C14orf132: variants seen among roughly 807,000 people sequenced by gnomAD.
C14orf132 encodes chromosome 14 open reading frame 132, also known as uncharacterized protein C14orf132.
Under a neutral mutation model 5.8 loss-of-function variants are expected in C14orf132, and 6 were observed. The observed-to-expected ratio is 1.03, with a 90% CI of 0.57 to 2.04. The LOEUF is 2.04. Ranked by LOEUF, C14orf132 falls within the 30% of genes most tolerant of loss-of-function variation. The pLI, the probability that C14orf132 is intolerant of heterozygous loss-of-function variation, is 0.00. For missense variants in C14orf132, 125 were observed against 115.8 expected (o/e 1.08, Z -0.37); for synonymous variants, 51 against 49.8 (o/e 1.02, Z -0.10).
At chr14:96,043,619 A>T (rs900528173) in intron 1 of C14orf132, among the ~76,000 whole-genome samples, 1 of 152,124 alleles carries the variant, frequency 6.6e-6, no homozygotes, top group African/African-American at 2.4e-5. Context: ...GGTGGGAGCC[A>T]GGCACCAGCA....
chr14:96,080,984 G>A (rs535263480), intron 1 of C14orf132, among the ~76,000 whole-genome samples: 15 of 152,198 alleles, frequency 9.9e-5, no homozygotes, highest in Admixed American at 3.9e-4. Flanking sequence ...ACAGACACTC[G>A]TATACCCACT....
At chr14:96,063,952 G>T (rs946864783) in intron 1 of C14orf132, among the ~76,000 whole-genome samples, 3 of 152,044 alleles carry the variant, frequency 2.0e-5, no homozygotes, top group Non-Finnish European at 4.4e-5. Flanking sequence ...TATGCAAATG[G>T]CCAACAAACA....
rs917794206 is a variant in C14orf132 at position 96,092,500 on chromosome 14, A to G, written c.*5765A>G. On this transcript the variant is annotated 3_prime_UTR_variant, in exon 2 of 2. Transcript: ENST00000555004. ...CCGAGCCCCATCCACGTGGCTGAGC[A>G]ACACCCCTGTGTCCCCTGTATCTGT... 1 of 152,112 alleles carries G rather than the reference A, an allele frequency of 6.6e-6. No homozygotes were observed. Among genetic ancestry groups the G allele is most frequent in the Non-Finnish European group, 1.5e-5 (1 of 68,020 alleles). The allele number at this position is 152,112 out of a possible 1,614,324, so 9.4% of individuals were successfully genotyped here.
In C14orf132 at chr14:96,039,638, CGTCCCGGTCCTTT is replaced by C; in HGVS notation, c.27+118_27+130del. ...GGCAGTGGCGCCCGCCCGCGATCCG[CGTCCCGGTCCTTT>C]GTCCCGAGCCGGACACCCCCACTTG... On this transcript the variant is annotated intron_variant, in intron 1 of 1. Transcript: ENST00000555004. The surrounding 1 kb of genome is among the most constrained non-coding windows in gnomAD (Gnocchi z 5.3). 8.7e-7 allele frequency: 1 copy of C among 1,145,206 alleles called. No homozygotes were observed. The highest frequency in any genetic ancestry group is 1.2e-6 in the Non-Finnish European group (1 of 863,628). 70.9% of individuals were successfully genotyped at this position (1,145,206 alleles called of 1,614,324 possible). A position where few individuals can be genotyped will look rare whatever the true frequency, so the allele number is the denominator to read the frequency against.
At chr14:96,083,978 ACCTGATGGCCTGGTTGGCGGGAG>A (rs2139682618) in intron 1 of C14orf132, among the ~76,000 whole-genome samples, 1 of 152,308 alleles carries the variant, frequency 6.6e-6, no homozygotes, top group South Asian at 2.1e-4. Context: ...CTCAAGGGCC[ACCTGATGGCCTGGTTGGCGGGAG>A]CCCTACAAAA....
chr14:96,084,293 TG>T (rs1180227479), intron 1 of C14orf132, among the ~76,000 whole-genome samples: 1 of 152,002 alleles, frequency 6.6e-6, no homozygotes, highest in Non-Finnish European at 1.5e-5. Context: ...CGGGGGGATG[TG>T]GGGGCAGAAC....
At chr14:96,063,378 G>T (rs1333920906) in intron 1 of C14orf132, among the ~76,000 whole-genome samples, 1 of 152,078 alleles carries the variant, frequency 6.6e-6, no homozygotes, top group Non-Finnish European at 1.5e-5. Context: ...GTACAATCTT[G>T]GCTCACTGTA....
At chr14:96,049,294 T>C (rs1886926828) in intron 1 of C14orf132, among the ~76,000 whole-genome samples, 1 of 152,002 alleles carries the variant, frequency 6.6e-6, no homozygotes, top group Non-Finnish European at 1.5e-5. Flanking sequence ...AAATCCAATC[T>C]AACAATCTCT....
chr14:96,042,858 G>C (rs1886730867), intron 1 of C14orf132, among the ~76,000 whole-genome samples: 1 of 152,184 alleles, frequency 6.6e-6, no homozygotes, highest in Non-Finnish European at 1.5e-5. Context: ...TGAGTCTCTG[G>C]TGACTCTGGA....
intron 1 of C14orf132, among the ~76,000 whole-genome samples, chr14:96,071,534 T>C (rs750415978): frequency 5.9e-5 from 9 of 152,248 alleles, no homozygotes; most frequent in Admixed American, 1.3e-4. Flanking sequence ...AGTGTTCTGA[T>C]TGCCATCATT....
chr14:96,056,428 C>G (rs1380583058), intron 1 of C14orf132, among the ~76,000 whole-genome samples: 1 of 152,166 alleles, frequency 6.6e-6, no homozygotes, highest in East Asian at 1.9e-4. Flanking sequence ...CTCCTTCTCG[C>G]TGGGCTCCGC....
intron 1 of C14orf132, among the ~76,000 whole-genome samples, chr14:96,059,676 A>G (rs1008681592): frequency 6.6e-6 from 1 of 152,164 alleles, no homozygotes; most frequent in Non-Finnish European, 1.5e-5. Flanking sequence ...TTGACCCAGT[A>G]ACATCCATCC....
rs931770888 is a variant in C14orf132, at chr14:96,059,643, G to T, written c.27+20116G>T. Among the ~76,000 whole-genome samples, 235 of 152,264 alleles carry T rather than the reference G, an allele frequency of 1.5e-3. 1 individual carries two copies. Among genetic ancestry groups the T allele is most frequent in the Non-Finnish European group, 8.5e-4 (58 of 68,016 alleles). ...CCTGGCAGTAGTGTCTGCTGGGGGG[G>T]CCCTAGCTGGGTTGGGTATTTCTTG... On this transcript the variant is annotated intron_variant, in intron 1 of 1. Transcript: ENST00000555004.
intron 1 of C14orf132, among the ~76,000 whole-genome samples, chr14:96,050,475 A>C (rs1479527984): frequency 6.6e-6 from 1 of 151,922 alleles, no homozygotes; most frequent in African/African-American, 2.4e-5. Context: ...ATTTTCTATA[A>C]TTTTTTGGGT....
At position 96,092,355 on chromosome 14, in the gene C14orf132, TCCCCAA is replaced by T. The variant is rs1004862280; in HGVS notation, c.*5621_*5626del. ...TCCTTTTTCAAGCTGATTTCCTGCC[TCCCCAA>T]GAGGAGGTTTGAGCCCCATTCTGCC... is the stretch of plus-strand genomic sequence containing the variant. On this transcript the variant is annotated 3_prime_UTR_variant, in exon 2 of 2. Coordinates refer to ENST00000555004, the MANE Select transcript of C14orf132 (RefSeq NM_001252507.3). The T allele has an allele frequency of 1.3e-5, 2 of 152,108 alleles. No individual in the cohort carries two copies. The highest frequency in any genetic ancestry group is 1.5e-5 in the Non-Finnish European group (1 of 68,006). 9.4% of individuals were successfully genotyped at this position (152,108 alleles called of 1,614,324 possible).
rs1403128301 is a variant in C14orf132, at chr14:96,088,631, C to T, written c.*1896C>T. On this transcript the variant is annotated 3_prime_UTR_variant, in exon 2 of 2. Transcript: ENST00000555004. Reference sequence around the variant, plus strand: ...AAACCCAAGGCGAGAAGCCCAGAGCCATGGCGGGGTTGCTTGACGTCCTCA... The same window carrying T: ...AAACCCAAGGCGAGAAGCCCAGAGCTATGGCGGGGTTGCTTGACGTCCTCA... The T allele has an allele frequency of 6.6e-6, 1 of 152,330 alleles. No homozygotes were observed. Among genetic ancestry groups the T allele is most frequent in the Non-Finnish European group, 1.5e-5 (1 of 68,114 alleles). 9.4% of individuals were successfully genotyped at this position (152,330 alleles called of 1,614,324 possible).
intron 1 of C14orf132, among the ~76,000 whole-genome samples, chr14:96,052,055 AG>A (rs1887044127): frequency 6.6e-6 from 1 of 152,232 alleles, no homozygotes; most frequent in Non-Finnish European, 1.5e-5. Context: ...TTTAGAGAAG[AG>A]GATACCGAGG....
intron 1 of C14orf132, among the ~76,000 whole-genome samples, chr14:96,081,332 T>C (rs4905426): frequency 0.6 from 91,952 of 152,054 alleles, 28,272 homozygotes; most frequent in East Asian, 0.9. Context: ...TATTATTTCC[T>C]CTGTTTTTAA....
At chr14:96,054,737 T>C (rs575386209) in intron 1 of C14orf132, among the ~76,000 whole-genome samples, 1 of 152,310 alleles carries the variant, frequency 6.6e-6, no homozygotes, top group Admixed American at 6.5e-5. Context: ...AAATGCACAT[T>C]CTCTCTAAAA....
Sources: gnomAD v4.1 joint callset for allele counts (sites outside exome capture counted in the v4.1 genomes callset) on GRCh38, gnomAD v4.1.1 for gene constraint, Gnocchi (gnomAD v3.1) non-coding constraint, MANE v1.5 for transcripts, NCBI Gene and HGNC (gene_info 2026-07-23, HGNC 2026-07-21) for gene names.